The following GRHL2 variants were observed in gnomAD, a reference collection of about 807,000 sequenced individuals.
GRHL2 encodes grainyhead-like protein 2 homolog.
A neutral mutation model predicts 83.8 loss-of-function variants in GRHL2; 21 were observed. The observed-to-expected ratio is 0.25, with a 90% confidence interval of 0.18 to 0.36. The LOEUF (loss-of-function observed/expected upper bound fraction) is 0.36, where lower values mean the gene tolerates loss of function less well. GRHL2 is among the 10% of genes least tolerant of loss of function. The pLI is 1.00. For missense variants in GRHL2, 623 were observed against 781.8 expected (o/e 0.80, Z 2.42); for synonymous variants, 280 against 278.9 (o/e 1.00, Z -0.04).
At chr8:101,514,973 TTTC>T (rs1810540279) in intron 1 of GRHL2, among the ~76,000 whole-genome samples, 1 of 151,380 alleles carries the variant, frequency 6.6e-6, no homozygotes, top group South Asian at 2.1e-4. Context: ...TTCCCTTCCT[TTTC>T]TTCTTTCCTT....
intron 1 of GRHL2, among the ~76,000 whole-genome samples, chr8:101,511,665 T>A (rs1252874079): frequency 6.9e-6 from 1 of 145,662 alleles, no homozygotes; most frequent in African/African-American, 2.7e-5. Flanking sequence ...TGTTTTTAGT[T>A]TTTTTTTTTT....
intron 1 of GRHL2, among the ~76,000 whole-genome samples, chr8:101,515,430 C>T (rs191528225): frequency 1.9e-3 from 295 of 152,220 alleles, no homozygotes; most frequent in African/African-American, 6.5e-3. Context: ...GTCCTTGTTA[C>T]AATATAGTGA....
chr8:101,603,452 T>C (rs1268597299), intron 8 of GRHL2, among the ~76,000 whole-genome samples: 3 of 152,246 alleles, frequency 2.0e-5, no homozygotes, highest in Non-Finnish European at 2.9e-5. Context: ...CTTTCATTGC[T>C]GACTTACATT....
chr8:101,633,241 T>C (rs1376224125), intron 11 of GRHL2, among the ~76,000 whole-genome samples: 1 of 152,234 alleles, frequency 6.6e-6, no homozygotes, highest in Non-Finnish European at 1.5e-5. Context: ...GAAAAAATAA[T>C]TATTTCCTTA....
intron 13 of GRHL2, among the ~76,000 whole-genome samples, chr8:101,645,187 C>CA (rs1379297205): frequency 7.1e-6 from 1 of 141,740 alleles, no homozygotes; most frequent in Non-Finnish European, 1.5e-5. Context: ...GGCTAAAGTG[C>CA]AGTGGCGTGA....
intron 13 of GRHL2, among the ~76,000 whole-genome samples, chr8:101,646,906 C>T (rs1813521655): frequency 6.6e-6 from 1 of 152,196 alleles, no homozygotes; most frequent in Non-Finnish European, 1.5e-5. Context: ...GAGTTGCTGT[C>T]AACAGGCCCA....
intron 7 of GRHL2, among the ~76,000 whole-genome samples, chr8:101,596,138 A>AAC (rs943222267): frequency 2.2e-4 from 34 of 151,440 alleles, no homozygotes; most frequent in African/African-American, 8.0e-4. Context: ...AAAATAAAAA[A>AAC]AATAAAATAA....
At chr8:101,655,012 G>A (rs868145112) in intron 14 of GRHL2, among the ~76,000 whole-genome samples, 2 of 152,004 alleles carry the variant, frequency 1.3e-5, no homozygotes, top group African/African-American at 2.4e-5. Context: ...GAGAAACCCC[G>A]TCTCTACTGA....
chr8:101,559,503 C>T (rs1375799340), intron 4 of GRHL2, among the ~76,000 whole-genome samples: 8 of 152,256 alleles, frequency 5.3e-5, no homozygotes, highest in South Asian at 4.1e-4. Flanking sequence ...GCACTCCAGC[C>T]TGGGTGACAA....
chr8:101,597,375 G>A (rs1217612589), intron 7 of GRHL2, among the ~76,000 whole-genome samples: 1 of 152,064 alleles, frequency 6.6e-6, no homozygotes, highest in Non-Finnish European at 1.5e-5. Flanking sequence ...AAAGACACAT[G>A]CACACGTATG....
chr8:101,606,515 G>A (rs1056327287), intron 8 of GRHL2, among the ~76,000 whole-genome samples: 2 of 152,190 alleles, frequency 1.3e-5, no homozygotes, highest in African/African-American at 2.4e-5. Flanking sequence ...AACTAAAAGT[G>A]CAAGTTGAAA....
At chr8:101,652,341 A>ATG (rs761073289) in intron 14 of GRHL2, among the ~76,000 whole-genome samples, 1 of 73,908 alleles carries the variant, frequency 1.4e-5, no homozygotes, top group Non-Finnish European at 2.5e-5. Flanking sequence ...GTGTGTGTGT[A>ATG]TGTGTGTGGT....
chr8:101,607,565 T>G (rs1404008687), intron 8 of GRHL2, among the ~76,000 whole-genome samples: 1 of 152,250 alleles, frequency 6.6e-6, no homozygotes, highest in African/African-American at 2.4e-5. Context: ...TATTGGCTGA[T>G]TTTAAACAGG....
At chr8:101,652,885 T>A (rs1027811959) in intron 14 of GRHL2, among the ~76,000 whole-genome samples, 1 of 152,154 alleles carries the variant, frequency 6.6e-6, no homozygotes, top group Non-Finnish European at 1.5e-5. Flanking sequence ...TGTTACTAAA[T>A]CATTGTTTGG....
At chr8:101,632,398 C>G (rs759881918) in intron 11 of GRHL2, 33 bp downstream of exon 11, 1 of 1,613,206 alleles carries the variant, frequency 6.2e-7, no homozygotes, top group Non-Finnish European at 8.5e-7. Flanking sequence ...CACCTCCCAT[C>G]CATCCACAGG....
At chr8:101,583,676 A>G (rs1347119951) in intron 7 of GRHL2, among the ~76,000 whole-genome samples, 3 of 152,244 alleles carry the variant, frequency 2.0e-5, no homozygotes, top group African/African-American at 7.2e-5. Flanking sequence ...AAAATGGATC[A>G]CAAATAAAAA....
rs932326403 is a variant in GRHL2 at position 101,598,990 on chromosome 8, T to A, written c.1004-67T>A. On this transcript the variant is annotated intron_variant, in intron 7 of 15. Transcript: ENST00000646743. ...TTTAAATTTACCCATTGGAAAATGA[T>A]GGTTCAGTACATGTCACTGAGTCAC... The A allele has an allele frequency of 4.7e-6, 5 of 1,062,986 alleles. No individual in the cohort carries two copies. In the African/African-American group the frequency reaches 7.8e-5, roughly 17 times the overall value. The allele number at this position is 1,062,986 out of a possible 1,614,324, so 65.8% of individuals were successfully genotyped here. A position where few individuals can be genotyped will look rare whatever the true frequency, so the allele number is the denominator to read the frequency against.
At chr8:101,528,634 G>GTGCAT (rs1443771964) in intron 1 of GRHL2, 83 of 186,052 alleles carry the variant, frequency 4.5e-4, no homozygotes, top group African/African-American at 1.1e-3. Flanking sequence ...GGAAACCACT[G>GTGCAT]GAGAACAGAA....
Position 101,666,947 on chromosome 8 carries a change from CTATT to C in GRHL2, c.*249_*252del. 1 of 583,706 alleles carries C rather than the reference CTATT, an allele frequency of 1.7e-6. No homozygotes were observed. Among genetic ancestry groups the C allele is most frequent in the Admixed American group, 3.0e-5 (1 of 33,728 alleles). The allele number at this position is 583,706 out of a possible 1,614,324, so 36.2% of individuals were successfully genotyped here. A position where few individuals can be genotyped will look rare whatever the true frequency, so the allele number is the denominator to read the frequency against. ...AAGGTGCCTTAGGCCTGTTGGATTC[CTATT>C]TATTGCCCACCTTTTCCTGGAGCCC... On this transcript the variant is annotated 3_prime_UTR_variant, in exon 16 of 16. Transcript: ENST00000646743.
Sources: allele counts gnomAD v4.1 joint callset (sites outside exome capture counted in the v4.1 genomes callset), GRCh38; gene constraint gnomAD v4.1.1; transcripts MANE v1.5; gene names NCBI Gene and HGNC (gene_info 2026-07-23, HGNC 2026-07-21).